TANC1: variants seen among roughly 807,000 people sequenced by gnomAD.
TANC1 encodes the protein protein TANC1.
A neutral mutation model predicts 149.7 loss-of-function variants in TANC1; 77 were observed. The ratio of observed to expected loss-of-function variants is 0.51; its 90% confidence interval spans 0.43 to 0.62. The LOEUF is 0.62. Ranked by LOEUF, TANC1 falls within the 20% of genes least tolerant of loss-of-function variation. TANC1 has a pLI of 0.00. For missense variants in TANC1, 1,985 were observed against 2,321.8 expected (o/e 0.85, Z 2.98); for synonymous variants, 854 against 925.0 (o/e 0.92, Z 1.39).
chr2:159,066,142 C>G (rs1395204271), intron 3 of TANC1, among the ~76,000 whole-genome samples, 171 bp downstream of exon 3: 1 of 152,154 alleles, frequency 6.6e-6, no homozygotes, highest in Non-Finnish European at 1.5e-5. Flanking sequence ...ACATGGTGAC[C>G]CACACCTGTA....
intron 26 of TANC1, among the ~76,000 whole-genome samples, chr2:159,229,173 T>C (rs1156312595): frequency 1.3e-5 from 2 of 152,238 alleles, no homozygotes; most frequent in African/African-American, 2.4e-5. Context: ...CTACCTAGTT[T>C]AGTCCATATT....
At chr2:159,057,399 CTTG>C (rs1266866087) in intron 2 of TANC1, among the ~76,000 whole-genome samples, 1 of 152,166 alleles carries the variant, frequency 6.6e-6, no homozygotes, top group African/African-American at 2.4e-5. Context: ...CTTTGTGTCC[CTTG>C]TTGTTTGGCA....
At position 159,016,131 on chromosome 2, in the gene TANC1, T is replaced by G. The variant is rs149192227; in HGVS notation, c.-16+14942T>G. Among the ~76,000 whole-genome samples, 322 of 152,326 alleles carry G rather than the reference T, an allele frequency of 2.1e-3. 2 individuals are homozygous for G. The highest frequency in any genetic ancestry group is 0.01 in the Middle Eastern group (3 of 294). ...CAGTTTACAAAAGAAAGAGATTTAA[T>G]TGGACTTTTCCATGTGACTGAGGAA... On this transcript the variant is annotated intron_variant, in intron 2 of 26. Coordinates refer to ENST00000263635, the MANE Select transcript of TANC1 (RefSeq NM_033394.3).
chr2:158,991,091 CAAAAAAAAAAA>C (rs34411224), intron 1 of TANC1, among the ~76,000 whole-genome samples: 4 of 70,178 alleles, frequency 5.7e-5, no homozygotes, highest in East Asian at 8.6e-4. Context: ...GATCCTGTGT[CAAAAAAAAAAA>C]AAAAAAAAAA....
intron 1 of TANC1, among the ~76,000 whole-genome samples, chr2:158,990,391 G>GCA (rs2035497046): frequency 6.6e-6 from 1 of 152,160 alleles, no homozygotes; most frequent in Non-Finnish European, 1.5e-5. Context: ...AATAAGATGT[G>GCA]GTTTCTATCC....
chr2:159,006,295 CAAAAAAAAAAA>C (rs71406138), intron 2 of TANC1, among the ~76,000 whole-genome samples: 2 of 75,126 alleles, frequency 2.7e-5, no homozygotes, highest in South Asian at 9.0e-4. Flanking sequence ...GACTTAGTCT[CAAAAAAAAAAA>C]AAAAAAAAAG....
intron 3 of TANC1, among the ~76,000 whole-genome samples, chr2:159,066,936 T>G (rs1224097813): frequency 1.3e-5 from 2 of 152,332 alleles, no homozygotes; most frequent in African/African-American, 4.8e-5. Flanking sequence ...TCTACCTGTA[T>G]TGCACAATAA....
chr2:159,167,812 A>T (rs2054758901), intron 8 of TANC1, among the ~76,000 whole-genome samples: 1 of 152,128 alleles, frequency 6.6e-6, no homozygotes, highest in South Asian at 2.1e-4. Context: ...GATAGTGAGG[A>T]AGAGAAGGAC....
At chr2:159,067,172 G>A (rs2149701340) in intron 3 of TANC1, among the ~76,000 whole-genome samples, 1 of 152,262 alleles carries the variant, frequency 6.6e-6, no homozygotes, top group Admixed American at 6.5e-5. Context: ...TAATATTAAT[G>A]TCTGTTGTTT....
chr2:159,163,147 T>G lies in TANC1; in HGVS notation c.683-136T>G, dbSNP rs796838317. 8.0e-5 allele frequency: 68 copies of G among 852,614 alleles called. No homozygotes were observed. The African/African-American group carries it at 1.1e-3, about 14-fold the overall frequency. 52.8% of individuals were successfully genotyped at this position (852,614 alleles called of 1,614,324 possible). On this transcript the variant is annotated intron_variant, in intron 7 of 26. Coordinates refer to ENST00000263635, the MANE Select transcript of TANC1 (RefSeq NM_033394.3). ...TTCTAATTTACCAAAATACATTGTA[T>G]GGAACATACTTTGATAAAAATCTGT...
chr2:159,116,448 CAACAACAAA>C (rs1294581024), intron 4 of TANC1, among the ~76,000 whole-genome samples: 8 of 137,614 alleles, frequency 5.8e-5, no homozygotes, highest in Non-Finnish European at 1.1e-4. Flanking sequence ...ACAACAACAA[CAACAACAAA>C]AAAAAAAAAA....
chr2:159,026,852 C>T (rs376782728), intron 2 of TANC1, among the ~76,000 whole-genome samples: 1 of 152,118 alleles, frequency 6.6e-6, no homozygotes, highest in East Asian at 1.9e-4. Flanking sequence ...GAAACCATTC[C>T]GCCCTTCTAG....
chr2:159,011,723 T>C (rs569569826), intron 2 of TANC1, among the ~76,000 whole-genome samples: 74 of 152,154 alleles, frequency 4.9e-4, no homozygotes, highest in African/African-American at 1.7e-3. Context: ...TTTAAGATGA[T>C]AGAACTAATA....
intron 3 of TANC1, among the ~76,000 whole-genome samples, chr2:159,085,748 G>T (rs887090089): frequency 2.0e-5 from 3 of 152,092 alleles, no homozygotes; most frequent in Non-Finnish European, 4.4e-5. Flanking sequence ...ACTCATTACT[G>T]CTGGGAGGGC....
At position 159,090,151 on chromosome 2, in the gene TANC1, G is replaced by A. The variant is rs567965445; in HGVS notation, c.62-7486G>A. Among the ~76,000 whole-genome samples the A allele has an allele frequency of 1.5e-4, 23 of 152,222 alleles. No homozygotes were observed. The South Asian group carries it at 1.9e-3, about 12-fold the overall frequency. ...TACTGGTTCGATGTGTATCCTTCTC[G>A]AGACCCTCCATGCATGTACAAGTGT... On this transcript the variant is annotated intron_variant, in intron 3 of 26. Coordinates refer to ENST00000263635, the MANE Select transcript of TANC1 (RefSeq NM_033394.3).
At chr2:159,186,851 C>T in intron 15 of TANC1, 51 bp from the exon 16 acceptor site, 1 of 1,611,612 alleles carries the variant, frequency 6.2e-7, no homozygotes, top group Non-Finnish European at 8.5e-7. Context: ...AGGAGATGCT[C>T]AGGCAGATCT....
At chr2:159,087,926 G>A (rs1052289477) in intron 3 of TANC1, among the ~76,000 whole-genome samples, 7 of 149,682 alleles carry the variant, frequency 4.7e-5, no homozygotes, top group Admixed American at 1.3e-4. Flanking sequence ...GTGATGTGAT[G>A]ACGTAGGCAG....
In TANC1 at chr2:159,136,458, C is replaced by T. The variant is rs1285518270; in HGVS notation, c.364+160C>T. On this transcript the variant is annotated intron_variant, in intron 5 of 26. Coordinates refer to ENST00000263635, the MANE Select transcript of TANC1 (RefSeq NM_033394.3). ...CAGTTACAGAGATCTGTTTGGCTAA[C>T]GCAAATTCTTGGAAATTGTATACCT... Among the ~76,000 whole-genome samples the T allele has an allele frequency of 3.9e-5, 6 of 152,220 alleles. No homozygotes were observed. In the South Asian group the frequency reaches 8.3e-4, roughly 21 times the overall value.
chr2:159,084,517 G>C (rs193237376), intron 3 of TANC1, among the ~76,000 whole-genome samples: 1 of 152,158 alleles, frequency 6.6e-6, no homozygotes, highest in African/African-American at 2.4e-5. Flanking sequence ...ATAAATGGTA[G>C]CAGCTCCCTT....
Sources: allele counts gnomAD v4.1 joint callset (sites outside exome capture counted in the v4.1 genomes callset), GRCh38; gene constraint gnomAD v4.1.1; transcripts MANE v1.5; gene names NCBI Gene and HGNC (gene_info 2026-07-23, HGNC 2026-07-21).